Variants in GBE1 observed in about 807,000 individuals in gnomAD.
GBE1 encodes the protein 1,4-alpha-glucan-branching enzyme.
In GBE1, 70 loss-of-function variants were observed where a neutral mutation model predicts 88.8. The ratio of observed to expected loss-of-function variants is 0.79; its 90% confidence interval spans 0.65 to 0.96. The LOEUF (loss-of-function observed/expected upper bound fraction) is 0.96. GBE1 is among the 40% of genes least tolerant of loss of function. The probability of loss-of-function intolerance (pLI) is 0.00; values close to 1 mark genes in which losing one functional copy is unlikely to be tolerated. For missense variants in GBE1, 872 were observed against 871.0 expected (o/e 1.00, Z -0.01); for synonymous variants, 284 against 300.1 (o/e 0.95, Z 0.56).
chr3:81,619,391 A>G (rs1399198661), intron 7 of GBE1, among the ~76,000 whole-genome samples: 2 of 152,168 alleles, frequency 1.3e-5, no homozygotes, highest in African/African-American at 4.8e-5. Flanking sequence ...TCCATGTTGA[A>G]ATTAGAATAA....
rs536908827 is a variant in GBE1 at position 81,683,984 on chromosome 3, C to CA, written c.314-13032dup. On this transcript the variant is annotated intron_variant, in intron 2 of 15. Coordinates refer to ENST00000429644, the MANE Select transcript of GBE1 (RefSeq NM_000158.4). The stretch of plus-strand genomic sequence containing the variant: ...AGAAATAACAAAATCATTACAACAA[C>CA]AAAAAAAATAGGAAGACTTGGTGAC... 1.3e-3 allele frequency among the ~76,000 whole-genome samples: 190 copies of CA among 151,748 alleles called. 1 individual carries two copies. The highest frequency in any genetic ancestry group is 6.0e-4 in the Non-Finnish European group (41 of 67,856).
At chr3:81,615,634 G>A (rs1432654798) in intron 7 of GBE1, among the ~76,000 whole-genome samples, 1 of 152,174 alleles carries the variant, frequency 6.6e-6, no homozygotes, top group African/African-American at 2.4e-5. Flanking sequence ...TTATTGCTGA[G>A]TAGTACTCCA....
intron 1 of GBE1, among the ~76,000 whole-genome samples, chr3:81,756,445 C>T (rs934340846): frequency 6.6e-6 from 1 of 152,184 alleles, no homozygotes; most frequent in African/African-American, 2.4e-5. Context: ...AAGTATTACA[C>T]TAAGTATTTA....
intron 1 of GBE1, among the ~76,000 whole-genome samples, chr3:81,744,669 T>C (rs1206131105): frequency 2.0e-5 from 3 of 152,216 alleles, no homozygotes; most frequent in Non-Finnish European, 4.4e-5. Flanking sequence ...AGATATGATT[T>C]GCAAGCTATT....
intron 1 of GBE1, among the ~76,000 whole-genome samples, chr3:81,738,653 T>G (rs1425601200): frequency 6.6e-6 from 1 of 152,158 alleles, no homozygotes; most frequent in East Asian, 1.9e-4. Context: ...TACCCTGGAA[T>G]GTAATTCCTT....
chr3:81,657,134 C>CAAAAAAAAAAA (rs796897811), intron 3 of GBE1, among the ~76,000 whole-genome samples: 53 of 81,708 alleles, frequency 6.5e-4, no homozygotes, highest in Middle Eastern at 7.8e-3. Flanking sequence ...CCAGCCGTCT[C>CAAAAAAAAAAA]AAAAAAAAAA....
intron 12 of GBE1, among the ~76,000 whole-genome samples, chr3:81,575,146 C>A (rs368667960): frequency 4.1e-5 from 6 of 145,088 alleles, no homozygotes; most frequent in African/African-American, 1.5e-4. Flanking sequence ...GCCTGGGCGA[C>A]AGGGCGAGAC....
At chr3:81,649,117 G>C (rs1438820534) in intron 4 of GBE1, 126 bp from the exon 5 acceptor site, 1 of 626,994 alleles carries the variant, frequency 1.6e-6, no homozygotes. Flanking sequence ...CATATAAAAG[G>C]CACCAGCTAC....
At chr3:81,684,647 C>T (rs368849355) in intron 2 of GBE1, among the ~76,000 whole-genome samples, 1 of 152,202 alleles carries the variant, frequency 6.6e-6, no homozygotes, top group Admixed American at 6.5e-5. Context: ...TGAGGAGACG[C>T]AAACACTCAG....
At chr3:81,614,391 AAGC>A (rs371003918) in intron 7 of GBE1, among the ~76,000 whole-genome samples, 100 of 152,290 alleles carry the variant, frequency 6.6e-4, no homozygotes, top group African/African-American at 2.4e-3. Context: ...GTGACTGCAT[AAGC>A]AGCAGATGTC....
At chr3:81,546,940 C>T (rs537867466) in intron 12 of GBE1, among the ~76,000 whole-genome samples, 4 of 151,162 alleles carry the variant, frequency 2.6e-5, no homozygotes, top group East Asian at 1.9e-4. Flanking sequence ...AACATCTTTC[C>T]GGCCACCATG....
chr3:81,589,621 AT>A (rs1703849544), intron 9 of GBE1, among the ~76,000 whole-genome samples: 1 of 151,916 alleles, frequency 6.6e-6, no homozygotes, highest in African/African-American at 2.4e-5. Context: ...TGATGAAACT[AT>A]TTTACTTGAA....
At chr3:81,589,434 C>T (rs1053005037) in intron 9 of GBE1, among the ~76,000 whole-genome samples, 1 of 150,730 alleles carries the variant, frequency 6.6e-6, no homozygotes, top group South Asian at 2.1e-4. Flanking sequence ...AAGAGACTCC[C>T]GCTAGACAGA....
intron 7 of GBE1, among the ~76,000 whole-genome samples, chr3:81,630,641 T>C (rs1704494337): frequency 6.6e-6 from 1 of 152,136 alleles, no homozygotes; most frequent in African/African-American, 2.4e-5. Flanking sequence ...ACATCAACTA[T>C]TTCTGATGAA....
Position 81,531,100 on chromosome 3 carries a change from C to T in GBE1, c.1934+4095G>A, listed in dbSNP as rs537490410. On this transcript the variant is annotated intron_variant, in intron 14 of 15. Transcript: ENST00000429644. The stretch of plus-strand genomic sequence containing the variant: ...CAGAAGGAGCCTCTCTATCCATGGC[C>T]ACCACCACCCCAAGGCCATGGCACC... Among the ~76,000 whole-genome samples the T allele has an allele frequency of 2.0e-4, 30 of 151,360 alleles. No individual in the cohort carries two copies. The South Asian group carries it at 6.3e-3, about 32-fold the overall frequency.
intron 14 of GBE1, among the ~76,000 whole-genome samples, chr3:81,500,313 A>C (rs1226819184): frequency 6.6e-6 from 1 of 152,158 alleles, no homozygotes; most frequent in African/African-American, 2.4e-5. Flanking sequence ...ATTTAAAGTC[A>C]CTCAATATAG....
intron 9 of GBE1, among the ~76,000 whole-genome samples, chr3:81,588,336 C>A (rs1012257983): frequency 2.0e-5 from 3 of 151,940 alleles, no homozygotes; most frequent in South Asian, 2.1e-4. Flanking sequence ...ATATCAGGCA[C>A]CATATTAGGA....
intron 12 of GBE1, among the ~76,000 whole-genome samples, chr3:81,574,152 G>T (rs1389941878): frequency 6.6e-6 from 1 of 152,024 alleles, no homozygotes; most frequent in African/African-American, 2.4e-5. Flanking sequence ...TACATTTACT[G>T]ATATTTTAAA....
At chr3:81,526,982 A>T (rs1702952120) in intron 14 of GBE1, among the ~76,000 whole-genome samples, 1 of 152,148 alleles carries the variant, frequency 6.6e-6, no homozygotes, top group African/African-American at 2.4e-5. Context: ...CTACAAGGTG[A>T]CAGTAACCAA....
Sources: allele counts gnomAD v4.1 joint callset (sites outside exome capture counted in the v4.1 genomes callset), GRCh38; gene constraint gnomAD v4.1.1; transcripts MANE v1.5; gene names NCBI Gene and HGNC (gene_info 2026-07-23, HGNC 2026-07-21).